Variants in MID2 observed in about 807,000 individuals in gnomAD.
MID2 encodes the protein midline 2.
MID2 carries 13 observed loss-of-function variants against 46.1 expected under a neutral mutation model. That is an observed-to-expected ratio of 0.28 (90% CI 0.18 to 0.45). The LOEUF (loss-of-function observed/expected upper bound fraction) is 0.45, where lower values mean the gene tolerates loss of function less well. Among genes scored for constraint, MID2 ranks in the 20% least tolerant of loss-of-function variants. The pLI, the probability that MID2 is intolerant of heterozygous loss-of-function variation, is 1.00. For missense variants in MID2, 431 were observed against 575.4 expected (o/e 0.75, Z 2.57); for synonymous variants, 199 against 212.3 (o/e 0.94, Z 0.55).
At chrX:107,919,101 T>C (rs951531920) in intron 7 of MID2, among the ~76,000 whole-genome samples, 3 of 110,518 alleles carry the variant, frequency 2.7e-5, no homozygotes, top group Non-Finnish European at 5.7e-5. Context: ...ACCCATTTGA[T>C]TGTTGTGCAG....
At chrX:107,840,297 A>T (rs1410687145) in intron 1 of MID2, among the ~76,000 whole-genome samples, 1 of 111,931 alleles carries the variant, frequency 8.9e-6, no homozygotes, top group African/African-American at 3.2e-5. Flanking sequence ...AATATTGGAG[A>T]ATAGAGATTG....
intron 2 of MID2, among the ~76,000 whole-genome samples, chrX:107,845,318 G>A (rs1314498777): frequency 9.0e-6 from 1 of 111,539 alleles, no homozygotes; most frequent in African/African-American, 3.3e-5. Flanking sequence ...ATGAAAACCA[G>A]GGGGAATAGA....
chrX:107,843,246 A>T (rs913414368), intron 2 of MID2, among the ~76,000 whole-genome samples: 10 of 112,291 alleles, frequency 8.9e-5, no homozygotes, highest in Non-Finnish European at 1.5e-4. Context: ...TATTCCAAAC[A>T]GAAAAATCTG....
At position 107,914,493 on chromosome X, in the gene MID2, G is replaced by A. The variant is rs375776131; in HGVS notation, c.1074-1509G>A. ...AAGAGGTGTTGTTGGTAGATGTATAGCAGGGTATATGTACATGAGGATATG... is the reference window on the plus strand; with the variant it reads ...AAGAGGTGTTGTTGGTAGATGTATAACAGGGTATATGTACATGAGGATATG... On this transcript the variant is annotated intron_variant, in intron 5 of 9. Coordinates refer to ENST00000262843, the MANE Select transcript of MID2 (RefSeq NM_012216.4). Among the ~76,000 whole-genome samples, 13 of 112,201 alleles carry A rather than the reference G, an allele frequency of 1.2e-4. No individual in the cohort carries two copies. The East Asian group carries it at 3.3e-3, about 29-fold the overall frequency.
At chrX:107,887,053 A>G (rs1932469261) in intron 3 of MID2, among the ~76,000 whole-genome samples, 1 of 111,792 alleles carries the variant, frequency 8.9e-6, no homozygotes, top group South Asian at 3.8e-4. Context: ...TAAATATACA[A>G]TCATGTCATC....
intron 7 of MID2, 24 bp downstream of exon 7, chrX:107,917,763 G>C: frequency 8.5e-7 from 1 of 1,183,166 alleles, no homozygotes; most frequent in Non-Finnish European, 1.1e-6. Flanking sequence ...AGACATGTTA[G>C]GTTGTTTAGT....
At chrX:107,866,422 AACACACACACACACACACACACACAC>A (rs57100746) in intron 3 of MID2, among the ~76,000 whole-genome samples, 3 of 81,197 alleles carry the variant, frequency 3.7e-5, no homozygotes, top group East Asian at 4.2e-4. Context: ...AGCCACTGAA[AACACACACACACACACACACACACAC>A]ACACACACAC....
intron 3 of MID2, among the ~76,000 whole-genome samples, chrX:107,862,731 A>G (rs1055654791): frequency 8.9e-6 from 1 of 112,274 alleles, no homozygotes; most frequent in Non-Finnish European, 1.9e-5. Flanking sequence ...ATCTCTAGTA[A>G]TTTTAAAAAG....
chrX:107,877,013 G>A (rs1322743080), intron 3 of MID2, among the ~76,000 whole-genome samples: 2 of 111,421 alleles, frequency 1.8e-5, no homozygotes, highest in African/African-American at 6.5e-5. Context: ...CAGAGGAGCA[G>A]CGCTGGAGGG....
chrX:107,882,594 A>G (rs1156272740), intron 3 of MID2, among the ~76,000 whole-genome samples: 5 of 112,215 alleles, frequency 4.5e-5, no homozygotes, highest in African/African-American at 1.6e-4. Context: ...CAAAAGACAC[A>G]TGAAAAAATG....
At chrX:107,909,544 A>G (rs1932866915) in intron 5 of MID2, among the ~76,000 whole-genome samples, 1 of 111,620 alleles carries the variant, frequency 9.0e-6, no homozygotes, top group African/African-American at 3.3e-5. Context: ...GTCCACTTGG[A>G]TTCTCAGCTC....
At position 107,905,409 on chromosome X, in the gene MID2, G is replaced by A. The variant is rs1932827206; in HGVS notation, c.925-69G>A. The A allele has an allele frequency of 8.8e-6, 8 of 909,999 alleles. No homozygotes were observed. In the South Asian group the frequency reaches 2.0e-4, roughly 22 times the overall value. The allele number at this position is 909,999 out of a possible 1,213,427, so 75.0% of individuals were successfully genotyped here. A position where few individuals can be genotyped will look rare whatever the true frequency, so the allele number is the denominator to read the frequency against. On this transcript the variant is annotated intron_variant, in intron 4 of 9. Coordinates refer to ENST00000262843, the MANE Select transcript of MID2 (RefSeq NM_012216.4). The stretch of plus-strand genomic sequence containing the variant: ...CACTGCAGCATGCCTCCTTCATGTT[G>A]TTTTTTATTGTTTTTAATTAAGCAC...
Position 107,895,742 on chromosome X carries a change from G to A in MID2, c.817-8216G>A, listed in dbSNP as rs1266434900. 4 of 111,682 alleles carry A rather than the reference G, an allele frequency of 3.6e-5. 1 individual carries two copies. The highest frequency in any genetic ancestry group is 7.5e-5 in the Non-Finnish European group (4 of 53,174). 9.2% of individuals were successfully genotyped at this position (111,682 alleles called of 1,213,427 possible). On this transcript the variant is annotated intron_variant, in intron 3 of 9. Coordinates refer to ENST00000262843, the MANE Select transcript of MID2 (RefSeq NM_012216.4). ...TCTTCAGAGGGATTTATAAGCAAGTGCCATGCTTTACAAAACAAGCAGTAG... is the reference window on the plus strand; with the variant it reads ...TCTTCAGAGGGATTTATAAGCAAGTACCATGCTTTACAAAACAAGCAGTAG...
rs1353517071 is a variant in MID2, at chrX:107,901,068, A to G, written c.817-2890A>G. On this transcript the variant is annotated intron_variant, in intron 3 of 9. Transcript: ENST00000262843. ...GAGATTAATTAACGAGGTTTTTGCA[A>G]CAACAGTCCTATCACAATAGGTGAT... 3 of 112,244 alleles carry G rather than the reference A, an allele frequency of 2.7e-5. No homozygotes were observed. In the Admixed American group the frequency reaches 2.8e-4, roughly 11 times the overall value. 9.3% of individuals were successfully genotyped at this position (112,244 alleles called of 1,213,427 possible).
At chrX:107,909,900 A>G (rs1257685083) in intron 5 of MID2, among the ~76,000 whole-genome samples, 1 of 112,260 alleles carries the variant, frequency 8.9e-6, no homozygotes, top group African/African-American at 3.2e-5. Flanking sequence ...GACAAATCAT[A>G]GTTGTATACA....
Position 107,926,896 on chromosome X carries a change from T to C in MID2, c.2031T>C (p.His677=). Residue 677 remains histidine (H), a synonymous_variant, in exon 10 of 10, where the codon CAT becomes CAC. Transcript: ENST00000262843. ...FYDPANSLHL[H]TFDVTFILPV... ...ACCCAGCTAACTCTCTCCATCTTCA[T>C]ACTTTTGATGTGACCTTCATTCTTC... 3 of 1,211,357 alleles carry C rather than the reference T, an allele frequency of 2.5e-6. No individual in the cohort carries two copies. The highest frequency in any genetic ancestry group is 3.4e-6 in the Non-Finnish European group (3 of 895,009).
At chrX:107,916,294 GA>G (rs1279340657) in intron 6 of MID2, among the ~76,000 whole-genome samples, 165 bp downstream of exon 6, 1 of 111,959 alleles carries the variant, frequency 8.9e-6, no homozygotes, top group Non-Finnish European at 1.9e-5. Context: ...TCATGTAACA[GA>G]AAAAAAGATG....
At chrX:107,883,165 A>G (rs952784145) in intron 3 of MID2, among the ~76,000 whole-genome samples, 3 of 111,070 alleles carry the variant, frequency 2.7e-5, no homozygotes, top group Admixed American at 1.9e-4. Context: ...AACACATGGA[A>G]ACAGGGAGGG....
At chrX:107,910,189 C>T (rs1300337855) in intron 5 of MID2, among the ~76,000 whole-genome samples, 1 of 111,756 alleles carries the variant, frequency 8.9e-6, no homozygotes, top group Non-Finnish European at 1.9e-5. Context: ...AACCACCATT[C>T]TACTCTCTAT....
Sources: allele counts gnomAD v4.1 joint callset (sites outside exome capture counted in the v4.1 genomes callset), GRCh38; gene constraint gnomAD v4.1.1; transcripts MANE v1.5; gene names NCBI Gene and HGNC (gene_info 2026-07-23, HGNC 2026-07-21).